Variants in NTN4 observed in about 807,000 individuals in gnomAD.
NTN4 encodes the protein netrin-4.
Under a neutral mutation model 73.6 loss-of-function variants are expected in NTN4, and 32 were observed. The ratio of observed to expected loss-of-function variants is 0.44; its 90% CI spans 0.33 to 0.58. The LOEUF (loss-of-function observed/expected upper bound fraction) is 0.58, where lower values mean the gene tolerates loss of function less well. Ranked by LOEUF, NTN4 falls within the 20% of genes least tolerant of loss-of-function variation. The pLI, the probability that NTN4 is intolerant of heterozygous loss-of-function variation, is 0.04. For missense variants in NTN4, 654 were observed against 798.3 expected (o/e 0.82, Z 2.18); for synonymous variants, 258 against 287.5 (o/e 0.90, Z 1.04).
At chr12:95,725,628 T>C (rs1170785633) in intron 3 of NTN4, among the ~76,000 whole-genome samples, 1 of 152,170 alleles carries the variant, frequency 6.6e-6, no homozygotes, top group Non-Finnish European at 1.5e-5. Context: ...AGTTGACATG[T>C]TTAAGATAAA....
At chr12:95,757,456 A>AG (rs2078954156) in intron 2 of NTN4, among the ~76,000 whole-genome samples, 1 of 152,140 alleles carries the variant, frequency 6.6e-6, no homozygotes, top group African/African-American at 2.4e-5. Flanking sequence ...GCAAGTGATC[A>AG]GGGGAGTGAA....
At chr12:95,759,283 A>G (rs1347509037) in intron 2 of NTN4, among the ~76,000 whole-genome samples, 2 of 151,944 alleles carry the variant, frequency 1.3e-5, no homozygotes, top group Non-Finnish European at 2.9e-5. Context: ...TCCTACAAAG[A>G]TGTTTTTTGT....
chr12:95,700,080 A>ATTTTTTT lies in NTN4; in HGVS notation c.1180+10354_1180+10360dup, dbSNP rs56063223. ...AACAGTGTATTCTTCTAAAGTGAGG[A>ATTTTTTT]TTTTTTTTTTTTTTTTTTTTTTTTT... On this transcript the variant is annotated intron_variant, in intron 5 of 9. Transcript: ENST00000343702. Among the ~76,000 whole-genome samples the ATTTTTTT allele has an allele frequency of 5.0e-4, 21 of 41,822 alleles. 3 individuals carry two copies. Among genetic ancestry groups the ATTTTTTT allele is most frequent in the South Asian group, 3.9e-3 (3 of 760 alleles). The allele number at this position is 41,822 out of a possible 152,430, so 27.4% of individuals were successfully genotyped here.
chr12:95,698,323 G>C (rs1391519854), intron 5 of NTN4, among the ~76,000 whole-genome samples: 2 of 152,144 alleles, frequency 1.3e-5, no homozygotes, highest in Non-Finnish European at 2.9e-5. Flanking sequence ...TTCACCAAAT[G>C]CTCATTCTCT....
chr12:95,730,750 G>A (rs2078731330), intron 3 of NTN4, among the ~76,000 whole-genome samples: 1 of 152,184 alleles, frequency 6.6e-6, no homozygotes, highest in African/African-American at 2.4e-5. Context: ...ACTATGCCAT[G>A]CTAACACAGG....
intron 5 of NTN4, 115 bp downstream of exon 5, chr12:95,710,326 G>T: frequency 1.3e-6 from 1 of 760,576 alleles, no homozygotes. Flanking sequence ...ATATCTGTGA[G>T]TGTGTTATCT....
At chr12:95,667,572 A>C (rs2078191195) in intron 8 of NTN4, among the ~76,000 whole-genome samples, 1 of 152,074 alleles carries the variant, frequency 6.6e-6, no homozygotes, top group African/African-American at 2.4e-5. Flanking sequence ...TAAGAAATTA[A>C]GGCCAGGTGC....
chr12:95,777,789 T>C (rs1291531125), intron 2 of NTN4, among the ~76,000 whole-genome samples: 1 of 152,128 alleles, frequency 6.6e-6, no homozygotes, highest in African/African-American at 2.4e-5. Context: ...TATCCAGGAA[T>C]TGAACTCAGC....
At chr12:95,745,045 T>A (rs934095846) in intron 2 of NTN4, among the ~76,000 whole-genome samples, 1 of 152,146 alleles carries the variant, frequency 6.6e-6, no homozygotes, top group African/African-American at 2.4e-5. Flanking sequence ...CTGTACGTAA[T>A]GTGCCATTTT....
chr12:95,750,292 TTC>T (rs2078896848), intron 2 of NTN4, among the ~76,000 whole-genome samples: 1 of 150,864 alleles, frequency 6.6e-6, no homozygotes, highest in Non-Finnish European at 1.5e-5. Context: ...GCCGAACCCC[TTC>T]TCTCTGTTTC....
intron 2 of NTN4, among the ~76,000 whole-genome samples, chr12:95,775,704 C>G (rs1565916862): frequency 6.6e-6 from 1 of 152,192 alleles, no homozygotes; most frequent in Non-Finnish European, 1.5e-5. Context: ...TGGGTGGAGC[C>G]CATTGCACCT....
rs1592802196 is a variant in NTN4 at position 95,659,231 on chromosome 12, G to A, written c.1751-9C>T. The A allele has an allele frequency of 1.2e-6, 2 of 1,604,468 alleles. No individual in the cohort carries two copies. Among genetic ancestry groups the A allele is most frequent in the Non-Finnish European group, 8.5e-7 (1 of 1,175,788 alleles). ...TACAAGGTATTCCAAACCTAAAAAA[G>A]AACAAAATTAGGGGCTATACAGTAT... On this transcript the variant is annotated splice_polypyrimidine_tract_variant and intron_variant, in intron 9 of 9. Coordinates refer to ENST00000343702, the MANE Select transcript of NTN4 (RefSeq NM_021229.4).
intron 5 of NTN4, among the ~76,000 whole-genome samples, chr12:95,687,326 G>A (rs1488950479): frequency 6.6e-6 from 1 of 152,044 alleles, no homozygotes; most frequent in African/African-American, 2.4e-5. Context: ...AAATTAACAA[G>A]TTTGCAGCCT....
At chr12:95,730,485 G>A (rs1475624124) in intron 3 of NTN4, among the ~76,000 whole-genome samples, 3 of 152,256 alleles carry the variant, frequency 2.0e-5, no homozygotes, top group African/African-American at 7.2e-5. Flanking sequence ...ATTTTAGAAT[G>A]CCTCTGGTCC....
chr12:95,667,547 C>T (rs1376161817), intron 8 of NTN4, among the ~76,000 whole-genome samples: 9 of 151,854 alleles, frequency 5.9e-5, no homozygotes, highest in East Asian at 1.9e-4. Flanking sequence ...ATTTTATACA[C>T]GAGGAAGCAA....
chr12:95,785,091 T>TA (rs1565920053), intron 2 of NTN4, among the ~76,000 whole-genome samples: 1 of 152,010 alleles, frequency 6.6e-6, no homozygotes, highest in African/African-American at 2.4e-5. Context: ...ATTTCATAGA[T>TA]AAACAAGGCC....
chr12:95,771,044 C>T (rs1001186151), intron 2 of NTN4, among the ~76,000 whole-genome samples: 1 of 142,766 alleles, frequency 7.0e-6, no homozygotes, highest in African/African-American at 2.7e-5. Context: ...GGCTGGAGTG[C>T]AGTGGCGCGA....
Position 95,683,537 on chromosome 12 carries a change from G to T in NTN4, c.1355C>A (p.Ala452Glu), listed in dbSNP as rs376168277. The part of the protein sequence containing the change: ...GDYGCRPCDC[A>E]GSCDPITGDC... ...TCCGGTGATAGGGTCACAGCTCCCC[G>T]CACAGTCACATGGTCGACAGCCATA... The change falls in exon 6 of 10, where the codon GCG becomes GAG. Residue 452 changes from alanine to glutamate, a missense_variant. Physicochemically the swap from Ala to Glu is moderately radical, Grantham distance 107. Coordinates refer to ENST00000343702, the MANE Select transcript of NTN4 (RefSeq NM_021229.4). The T allele has an allele frequency of 4.2e-5, 67 of 1,614,082 alleles. No individual in the cohort carries two copies. The highest frequency in any genetic ancestry group is 5.5e-5 in the Non-Finnish European group (65 of 1,179,992).
intron 7 of NTN4, 75 bp downstream of exon 7, chr12:95,682,632 G>T: frequency 1.0e-6 from 1 of 954,304 alleles, no homozygotes; most frequent in Non-Finnish European, 1.6e-6. Context: ...CCAAAAGCTG[G>T]ACCCTGGTTT....
Sources: allele counts gnomAD v4.1 joint callset (sites outside exome capture counted in the v4.1 genomes callset), GRCh38; gene constraint gnomAD v4.1.1; transcripts MANE v1.5; gene names NCBI Gene and HGNC (gene_info 2026-07-23, HGNC 2026-07-21).